The following MAST2 variants were observed in gnomAD, a reference collection of about 807,000 sequenced individuals.
MAST2 encodes microtubule-associated serine/threonine-protein kinase 2.
MAST2 carries 70 observed loss-of-function variants against 147.4 expected under a neutral mutation model. The ratio of observed to expected loss-of-function variants is 0.47; its 90% CI spans 0.39 to 0.58. The LOEUF is 0.58. Ranked by LOEUF, MAST2 falls within the 20% of genes least tolerant of loss-of-function variation. The pLI is 0.00. For missense variants in MAST2, 2,080 were observed against 2,302.3 expected (o/e 0.90, Z 1.98); for synonymous variants, 869 against 896.8 (o/e 0.97, Z 0.55).
chr1:46,025,621 G>T (rs1167290275), intron 15 of MAST2, 56 bp from the exon 16 acceptor site: 2 of 1,609,110 alleles, frequency 1.2e-6, no homozygotes, highest in Non-Finnish European at 1.7e-6. Flanking sequence ...ATGGGAGCTG[G>T]CTAGCTAGAG....
chr1:45,901,598 A>AT (rs1649778239), intron 4 of MAST2, among the ~76,000 whole-genome samples: 2 of 152,130 alleles, frequency 1.3e-5, no homozygotes, highest in African/African-American at 2.4e-5. Flanking sequence ...CACGATATTG[A>AT]TTCTTCCTAT....
intron 3 of MAST2, among the ~76,000 whole-genome samples, chr1:45,837,871 C>T (rs1351431939): frequency 6.6e-6 from 1 of 152,126 alleles, no homozygotes; most frequent in Non-Finnish European, 1.5e-5. Flanking sequence ...TTCCACCTCC[C>T]GGGTTCAAGC....
intron 3 of MAST2, among the ~76,000 whole-genome samples, chr1:45,853,482 T>C (rs1645688099): frequency 6.6e-6 from 1 of 151,914 alleles, no homozygotes; most frequent in Admixed American, 6.6e-5. Context: ...GCCTCCTGAG[T>C]AGTTGGGATT....
At chr1:45,883,922 CT>C (rs1192811760) in intron 4 of MAST2, among the ~76,000 whole-genome samples, 2 of 92,434 alleles carry the variant, frequency 2.2e-5, no homozygotes, top group Non-Finnish European at 4.5e-5. Context: ...GCCCCCCCCG[CT>C]TTTTTTTGGT....
chr1:45,930,417 T>TTTTGTTTTG (rs1371234712), intron 4 of MAST2, among the ~76,000 whole-genome samples: 2 of 151,728 alleles, frequency 1.3e-5, no homozygotes, highest in Non-Finnish European at 2.9e-5. Flanking sequence ...TTTTGTTTTG[T>TTTTGTTTTG]TTTGTTTTGT....
chr1:45,959,322 C>A, intron 4 of MAST2, 64 bp from the exon 5 acceptor site: 1 of 1,334,400 alleles, frequency 7.5e-7, no homozygotes, highest in South Asian at 1.2e-5. Flanking sequence ...TCCTTAAAAA[C>A]CACTCAAGGT....
chr1:45,941,404 C>T (rs1287633197), intron 4 of MAST2, among the ~76,000 whole-genome samples: 1 of 152,016 alleles, frequency 6.6e-6, no homozygotes, highest in African/African-American at 2.4e-5. Context: ...GGATTGCAGG[C>T]GCCTGCCACT....
chr1:45,864,559 T>C (rs912794502), intron 3 of MAST2, among the ~76,000 whole-genome samples: 1 of 152,226 alleles, frequency 6.6e-6, no homozygotes, highest in Non-Finnish European at 1.5e-5. Context: ...TGGTTTTATA[T>C]CATTTTGAGT....
intron 7 of MAST2, 41 bp from the exon 8 acceptor site, chr1:46,006,200 G>A (rs779487328): frequency 1.3e-6 from 2 of 1,586,448 alleles, no homozygotes; most frequent in Non-Finnish European, 1.7e-6. Flanking sequence ...ACTGCTCTGG[G>A]ACATGTCTTT....
At chr1:45,913,827 A>G in intron 4 of MAST2, 1 of 1,218,450 alleles carries the variant, frequency 8.2e-7, no homozygotes, top group Middle Eastern at 2.3e-4. Flanking sequence ...AGTAGCCAGG[A>G]GAATGATGAA....
chr1:45,931,712 T>G (rs1045677864), intron 4 of MAST2, among the ~76,000 whole-genome samples: 1 of 151,996 alleles, frequency 6.6e-6, no homozygotes, highest in Non-Finnish European at 1.5e-5. Flanking sequence ...GAAACTAGTC[T>G]CGAACTCCTG....
chr1:45,908,839 G>T (rs1327330597), intron 4 of MAST2, among the ~76,000 whole-genome samples: 1 of 152,160 alleles, frequency 6.6e-6, no homozygotes, highest in East Asian at 1.9e-4. Flanking sequence ...CTCCCAGGCA[G>T]CTGAGGAGGG....
chr1:45,884,345 C>T (rs760534446), intron 4 of MAST2, among the ~76,000 whole-genome samples: 25 of 151,928 alleles, frequency 1.6e-4, no homozygotes, highest in Non-Finnish European at 2.9e-4. Context: ...GTCAGTAGTT[C>T]GAGACCAGCC....
At chr1:45,961,155 C>A (rs1660360438) in intron 5 of MAST2, among the ~76,000 whole-genome samples, 1 of 151,888 alleles carries the variant, frequency 6.6e-6, no homozygotes, top group South Asian at 2.1e-4. Flanking sequence ...TAGAAGATAC[C>A]ACCAAGAGAA....
At chr1:45,843,767 G>T (rs776355604) in intron 3 of MAST2, among the ~76,000 whole-genome samples, 54 of 152,142 alleles carry the variant, frequency 3.5e-4, no homozygotes, top group Non-Finnish European at 7.5e-4. Context: ...TTTGTAAGAG[G>T]AACTTGTTTC....
intron 5 of MAST2, 124 bp from the exon 6 acceptor site, chr1:45,997,600 A>G: frequency 1.4e-6 from 1 of 730,256 alleles, no homozygotes; most frequent in Non-Finnish European, 2.5e-6. Flanking sequence ...CATTAAACTG[A>G]TAGTGGCCCT....
chr1:45,810,277 A>AGTGT (rs1462067898), intron 1 of MAST2, among the ~76,000 whole-genome samples: 1 of 152,230 alleles, frequency 6.6e-6, no homozygotes, highest in Non-Finnish European at 1.5e-5. Flanking sequence ...AAATACCCTC[A>AGTGT]GTGTGACAGA....
intron 1 of MAST2, among the ~76,000 whole-genome samples, chr1:45,811,196 C>T (rs922591913): frequency 7.1e-6 from 1 of 140,892 alleles, no homozygotes; most frequent in African/African-American, 2.7e-5. Flanking sequence ...GACGAAGTCT[C>T]GCTCTTGTCT....
intron 5 of MAST2, among the ~76,000 whole-genome samples, chr1:45,980,067 T>A (rs1644337939): frequency 6.6e-6 from 1 of 151,914 alleles, no homozygotes; most frequent in African/African-American, 2.4e-5. Flanking sequence ...GGTGGATCAC[T>A]TGAGGTCAGG....
Sources: gnomAD v4.1 joint callset for allele counts (sites outside exome capture counted in the v4.1 genomes callset) on GRCh38, gnomAD v4.1.1 for gene constraint, MANE v1.5 for transcripts, NCBI Gene and HGNC (gene_info 2026-07-23, HGNC 2026-07-21) for gene names.